SVIL: variants seen among roughly 807,000 people sequenced by gnomAD.
The protein encoded by SVIL is supervillin, also known as archvillin.
A neutral mutation model predicts 240.4 loss-of-function variants in SVIL; 101 were observed. The ratio of observed to expected loss-of-function variants is 0.42; its 90% CI spans 0.36 to 0.50. The LOEUF is 0.50. SVIL is among the 20% of genes least tolerant of loss of function. SVIL has a pLI of 0.01. For missense variants in SVIL, 2,512 were observed against 2,818.7 expected, an observed-to-expected ratio of 0.89 and a Z score of 2.46; for synonymous variants, 999 against 1,100.0, an observed-to-expected ratio of 0.91 and a Z score of 1.82.
At chr10:29,567,149 A>C (rs1175132546) in intron 2 of SVIL, among the ~76,000 whole-genome samples, 1 of 151,984 alleles carries the variant, frequency 6.6e-6, no homozygotes, top group Non-Finnish European at 1.5e-5. Context: ...TTCTAAGAAG[A>C]GAATGCCCCC....
chr10:29,504,558 A>T (rs1243535860), intron 17 of SVIL, among the ~76,000 whole-genome samples: 1 of 152,272 alleles, frequency 6.6e-6, no homozygotes, highest in Non-Finnish European at 1.5e-5. Context: ...ACCAAAGAAG[A>T]TATAAGACAG....
chr10:29,709,574 G>A (rs545503985), intron 1 of SVIL, among the ~76,000 whole-genome samples: 74 of 152,306 alleles, frequency 4.9e-4, no homozygotes, highest in African/African-American at 1.7e-3. Context: ...TGGAGAAGTC[G>A]TGCAGGAGGA....
At position 29,465,581 on chromosome 10, in the gene SVIL, C is replaced by G; in HGVS notation, c.6133+14G>C. 2 of 1,591,108 alleles carry G rather than the reference C, an allele frequency of 1.3e-6. No homozygotes were observed. Among genetic ancestry groups the G allele is most frequent in the Non-Finnish European group, 1.7e-6 (2 of 1,168,898 alleles). On this transcript the variant is annotated intron_variant, in intron 34 of 37. Coordinates refer to ENST00000355867, the MANE Select transcript of SVIL (RefSeq NM_021738.3). Reference sequence around the variant, plus strand: ...CTTCTACTGCTCAGCATAGCTGCCCCCTGCAGGCCTTACCTGGCTGGGGCG... The same window carrying G: ...CTTCTACTGCTCAGCATAGCTGCCCGCTGCAGGCCTTACCTGGCTGGGGCG...
intron 3 of SVIL, among the ~76,000 whole-genome samples, chr10:29,656,087 T>C (rs1386297823): frequency 6.6e-6 from 1 of 151,870 alleles, no homozygotes; most frequent in Non-Finnish European, 1.5e-5. Flanking sequence ...GCCAGGATGA[T>C]CTCGATCTCC....
intron 36 of SVIL, among the ~76,000 whole-genome samples, chr10:29,461,125 C>T (rs1944208951): frequency 6.6e-6 from 1 of 152,154 alleles, no homozygotes; most frequent in Admixed American, 6.5e-5. Context: ...CTGTAGCACC[C>T]AAATAAACTT....
intron 16 of SVIL, among the ~76,000 whole-genome samples, chr10:29,516,746 C>T (rs1166941581): frequency 6.6e-6 from 1 of 152,190 alleles, no homozygotes; most frequent in African/African-American, 2.4e-5. Context: ...TGGCCCAGGG[C>T]CACCGTGACA....
intron 16 of SVIL, among the ~76,000 whole-genome samples, chr10:29,513,875 G>A (rs2132495455): frequency 6.6e-6 from 1 of 152,062 alleles, no homozygotes; most frequent in South Asian, 2.1e-4. Context: ...CTGGAATCCT[G>A]AAAGGTTATT....
intron 3 of SVIL, among the ~76,000 whole-genome samples, chr10:29,640,855 G>A (rs1005511667): frequency 2.6e-5 from 4 of 151,944 alleles, no homozygotes; most frequent in East Asian, 1.9e-4. Context: ...CATCCTCTCC[G>A]CCACTTCCAG....
At chr10:29,535,914 G>T (rs1361595301) in intron 7 of SVIL, 75 bp downstream of exon 7, 8 of 1,463,042 alleles carry the variant, frequency 5.5e-6, no homozygotes, top group African/African-American at 1.4e-5. Flanking sequence ...GAGAGTGGGT[G>T]TTAGCTGATG....
intron 1 of SVIL, among the ~76,000 whole-genome samples, chr10:29,621,504 T>G (rs1186964563): frequency 1.3e-5 from 2 of 152,364 alleles, no homozygotes; most frequent in Middle Eastern, 3.4e-3. Flanking sequence ...GAGGGAACCA[T>G]GACTCTCAAG....
chr10:29,719,308 C>G (rs779149535), intron 1 of SVIL, among the ~76,000 whole-genome samples: 1 of 152,120 alleles, frequency 6.6e-6, no homozygotes, highest in African/African-American at 2.4e-5. Context: ...TCGGTATAAA[C>G]GGGTTAAGAA....
At chr10:29,633,086 A>T (rs1326793095) in intron 1 of SVIL, among the ~76,000 whole-genome samples, 1 of 152,048 alleles carries the variant, frequency 6.6e-6, no homozygotes, top group Non-Finnish European at 1.5e-5. Context: ...ACAAAAAAAA[A>T]TTAGCTGGAT....
intron 1 of SVIL, among the ~76,000 whole-genome samples, chr10:29,716,952 T>C (rs1963646807): frequency 6.6e-6 from 1 of 152,210 alleles, no homozygotes; most frequent in Admixed American, 6.5e-5. Flanking sequence ...CACTGTGGGC[T>C]GGGAGCCGTG....
At chr10:29,696,415 C>G (rs1962002548) in intron 1 of SVIL, among the ~76,000 whole-genome samples, 2 of 151,280 alleles carry the variant, frequency 1.3e-5, no homozygotes. Context: ...GGCTGCCCAT[C>G]GTCTGGGATG....
At chr10:29,555,613 A>G (rs1005362143) in intron 3 of SVIL, among the ~76,000 whole-genome samples, 34 of 152,334 alleles carry the variant, frequency 2.2e-4, no homozygotes, top group African/African-American at 6.7e-4. Flanking sequence ...CCTACAGGGT[A>G]AGGCAGAAGG....
At chr10:29,493,660 C>T (rs1252109459) in intron 20 of SVIL, among the ~76,000 whole-genome samples, 1 of 152,042 alleles carries the variant, frequency 6.6e-6, no homozygotes, top group Non-Finnish European at 1.5e-5. Flanking sequence ...CTGAACCTGC[C>T]CTTGCTTCTG....
At chr10:29,696,083 C>T (rs1047208134) in intron 1 of SVIL, among the ~76,000 whole-genome samples, 16 of 151,962 alleles carry the variant, frequency 1.1e-4, no homozygotes, top group African/African-American at 3.6e-4. Flanking sequence ...TGCCGAGTGC[C>T]TGCGATTGCA....
chr10:29,573,778 C>T (rs1171728239), intron 1 of SVIL, among the ~76,000 whole-genome samples: 3 of 152,072 alleles, frequency 2.0e-5, no homozygotes, highest in Admixed American at 6.6e-5. Context: ...TCACTACAAC[C>T]TCCACCTCCC....
intron 21 of SVIL, among the ~76,000 whole-genome samples, chr10:29,492,316 G>A (rs1373998455): frequency 6.6e-6 from 1 of 152,066 alleles, no homozygotes; most frequent in Admixed American, 6.5e-5. Context: ...AAAGCTACCC[G>A]TGCTGGGCTG....
Sources: allele counts gnomAD v4.1 joint callset (sites outside exome capture counted in the v4.1 genomes callset), GRCh38; gene constraint gnomAD v4.1.1; transcripts MANE v1.5; gene names NCBI Gene and HGNC (gene_info 2026-07-23, HGNC 2026-07-21).